The following PTPRN2 variants were observed in gnomAD, a reference collection of about 807,000 sequenced individuals.
PTPRN2 encodes the protein protein tyrosine phosphatase receptor type N2.
In PTPRN2, 74 loss-of-function variants were observed where a neutral mutation model predicts 118.8. The observed-to-expected ratio is 0.62, with a 90% CI of 0.52 to 0.76. PTPRN2 has a LOEUF of 0.76. PTPRN2 is among the 30% of genes least tolerant of loss of function. PTPRN2 has a pLI of 0.00. For missense variants in PTPRN2, 1,481 were observed against 1,394.4 expected, an observed-to-expected ratio of 1.06 and a Z score of -0.99; for synonymous variants, 641 against 608.0, an observed-to-expected ratio of 1.05 and a Z score of -0.80.
Position 157,893,709 on chromosome 7 carries a change from T to C in PTPRN2, c.1788+4964A>G, listed in dbSNP as rs1796941276. 1.3e-5 allele frequency among the ~76,000 whole-genome samples: 2 copies of C among 152,146 alleles called. No individual in the cohort carries two copies. Among genetic ancestry groups the C allele is most frequent in the African/African-American group, 4.8e-5 (2 of 41,436 alleles). On this transcript the variant is annotated intron_variant, in intron 12 of 22. Coordinates refer to ENST00000389418, the MANE Select transcript of PTPRN2 (RefSeq NM_002847.5). This position sits in a 1 kb window ranked among gnomAD's most constrained non-coding sequence, Gnocchi z 4.0. The stretch of plus-strand genomic sequence containing the variant: ...GGACACCTGTGGCCATACACACCTG[T>C]TGCTCGGTGAATGGGTCAGGGCTGG...
chr7:157,949,238 G>T (rs558744490), intron 11 of PTPRN2, among the ~76,000 whole-genome samples: 1 of 152,166 alleles, frequency 6.6e-6, no homozygotes. Flanking sequence ...GATGCATTTT[G>T]GGATGGTGAA....
intron 2 of PTPRN2, among the ~76,000 whole-genome samples, chr7:158,324,507 T>C: frequency 6.6e-6 from 1 of 151,652 alleles, no homozygotes; most frequent in East Asian, 1.9e-4. Flanking sequence ...AAAAGGCTGG[T>C]GGTGGGGGCA....
At chr7:158,306,639 A>G (rs1801306317) in intron 3 of PTPRN2, among the ~76,000 whole-genome samples, 1 of 152,164 alleles carries the variant, frequency 6.6e-6, no homozygotes, top group South Asian at 2.1e-4. Flanking sequence ...AAACAACAAT[A>G]AACAGCAACA....
rs376184620 is a variant in PTPRN2 at position 157,685,572 on chromosome 7, G to A, written c.1789-2635C>T. On this transcript the variant is annotated intron_variant, in intron 12 of 22. Coordinates refer to ENST00000389418, the MANE Select transcript of PTPRN2 (RefSeq NM_002847.5). ...GGGACGCGCGGGGGCCGGAGGAGGA[G>A]GCCTGGTCTGCGGGCGGCAGGAGGG... Among the ~76,000 whole-genome samples, 117 of 152,182 alleles carry A rather than the reference G, an allele frequency of 7.7e-4. 3 individuals are homozygous for A. The highest frequency in any genetic ancestry group is 4.6e-3 in the South Asian group (22 of 4,820).
intron 3 of PTPRN2, among the ~76,000 whole-genome samples, chr7:158,296,558 G>A (rs937265588): frequency 3.3e-5 from 5 of 152,254 alleles, no homozygotes; most frequent in East Asian, 1.9e-4. Flanking sequence ...GCCCACAGAC[G>A]GCGAAACTAA....
chr7:157,791,377 T>G (rs1585477964), intron 12 of PTPRN2, among the ~76,000 whole-genome samples: 1 of 152,324 alleles, frequency 6.6e-6, no homozygotes, highest in East Asian at 1.9e-4. Flanking sequence ...GTCCACATAT[T>G]CTCGTGCCTG....
At chr7:158,056,340 G>C (rs1809794650) in intron 11 of PTPRN2, among the ~76,000 whole-genome samples, 2 of 152,250 alleles carry the variant, frequency 1.3e-5, no homozygotes, top group Admixed American at 1.3e-4. Context: ...GGGCACACCT[G>C]GCTTGTTCTC....
At chr7:157,958,798 G>A (rs747765339) in intron 11 of PTPRN2, among the ~76,000 whole-genome samples, 3 of 152,128 alleles carry the variant, frequency 2.0e-5, no homozygotes, top group Non-Finnish European at 2.9e-5. Flanking sequence ...CGTATTATAA[G>A]GCTCATTATT....
chr7:157,958,258 A>T (rs1241213499), intron 11 of PTPRN2, among the ~76,000 whole-genome samples: 2 of 152,198 alleles, frequency 1.3e-5, no homozygotes, highest in African/African-American at 4.8e-5. Context: ...TCAACATAAT[A>T]AAGGCCATAT....
chr7:157,907,620 T>C, intron 11 of PTPRN2, among the ~76,000 whole-genome samples: 1 of 145,118 alleles, frequency 6.9e-6, no homozygotes, highest in East Asian at 2.1e-4. Context: ...ATGTGGGGTG[T>C]CCTGGGGGTG....
intron 11 of PTPRN2, among the ~76,000 whole-genome samples, chr7:157,985,723 C>T (rs978428247): frequency 3.9e-5 from 6 of 152,026 alleles, no homozygotes; most frequent in African/African-American, 1.2e-4. Flanking sequence ...GTTTTCTACT[C>T]ACTGCACAGC....
chr7:158,402,214 G>C (rs1812998505), intron 2 of PTPRN2, among the ~76,000 whole-genome samples: 1 of 152,168 alleles, frequency 6.6e-6, no homozygotes, highest in Admixed American at 6.5e-5. Flanking sequence ...GTGGGACTCA[G>C]GGACCAGCCA....
intron 2 of PTPRN2, among the ~76,000 whole-genome samples, chr7:158,409,037 G>C (rs1231808103): frequency 6.6e-6 from 1 of 151,470 alleles, no homozygotes; most frequent in African/African-American, 2.4e-5. Context: ...TCCCAGACCA[G>C]ATTCCAAGCT....
At chr7:158,354,362 G>C (rs1026298968) in intron 2 of PTPRN2, among the ~76,000 whole-genome samples, 1 of 152,132 alleles carries the variant, frequency 6.6e-6, no homozygotes, top group Non-Finnish European at 1.5e-5. Context: ...AACGGACAAA[G>C]CCAAGAACCA....
intron 2 of PTPRN2, among the ~76,000 whole-genome samples, chr7:158,389,771 C>T (rs1010017718): frequency 2.0e-5 from 3 of 152,216 alleles, no homozygotes; most frequent in African/African-American, 4.8e-5. Context: ...ATGGGCTAAA[C>T]GCAAGTTCTG....
Position 157,763,548 on chromosome 7 carries a change from A to G in PTPRN2, c.1789-80611T>C, listed in dbSNP as rs1025201170. Among the ~76,000 whole-genome samples, 3 of 151,460 alleles carry G rather than the reference A, an allele frequency of 2.0e-5. No individual in the cohort carries two copies. The highest frequency in any genetic ancestry group is 6.6e-5 in the Admixed American group (1 of 15,218). On this transcript the variant is annotated intron_variant, in intron 12 of 22. Coordinates refer to ENST00000389418, the MANE Select transcript of PTPRN2 (RefSeq NM_002847.5). This position sits in a 1 kb window ranked among gnomAD's most constrained non-coding sequence, Gnocchi z 4.9. The stretch of plus-strand genomic sequence containing the variant: ...CAGGGGAGCTGCACACTGAGCCTCC[A>G]CCTCCTTTTCAGAGTTGGGAGCAGC...
At position 158,350,772 on chromosome 7, in the gene PTPRN2, T is replaced by G. The variant is rs544300772; in HGVS notation, c.164-33840A>C. Among the ~76,000 whole-genome samples the G allele has an allele frequency of 2.6e-5, 4 of 152,244 alleles. No individual in the cohort carries two copies. In the South Asian group the frequency reaches 6.3e-4, roughly 24 times the overall value. ...GTGCCTCGCCTCACCTCACCCAGCC[T>G]CACAGTTCAGATGAGGAAACAGACC... On this transcript the variant is annotated intron_variant, in intron 2 of 22. Transcript: ENST00000389418.
intron 2 of PTPRN2, among the ~76,000 whole-genome samples, chr7:158,342,154 C>T (rs1806986553): frequency 6.7e-6 from 1 of 148,562 alleles, no homozygotes; most frequent in South Asian, 2.1e-4. Context: ...AGAGGTCACT[C>T]ACACCCACAC....
rs200721701 is a variant in PTPRN2 at position 157,696,734 on chromosome 7, C to T, written c.1789-13797G>A. Among the ~76,000 whole-genome samples the T allele has an allele frequency of 7.2e-4, 103 of 142,158 alleles. No homozygotes were observed. The East Asian group carries it at 0.018, about 24-fold the overall frequency. 93.3% of individuals were successfully genotyped at this position (142,158 alleles called of 152,430 possible). ...TACTGGGTCTTAGCAGAGCCCTCACCGTCTACCCATGCATACTGGATCTTG... is the reference window on the plus strand; with the variant it reads ...TACTGGGTCTTAGCAGAGCCCTCACTGTCTACCCATGCATACTGGATCTTG... On this transcript the variant is annotated intron_variant, in intron 12 of 22. Transcript: ENST00000389418.
Sources: allele counts gnomAD v4.1 joint callset (sites outside exome capture counted in the v4.1 genomes callset), GRCh38; gene constraint gnomAD v4.1.1; non-coding constraint Gnocchi (gnomAD v3.1); transcripts MANE v1.5; gene names NCBI Gene and HGNC (gene_info 2026-07-23, HGNC 2026-07-21).